ODF2L: variants seen among roughly 807,000 people sequenced by gnomAD.
The protein encoded by ODF2L is outer dense fiber of sperm tails 2 like, also known as protein BCAP.
In ODF2L, 76 loss-of-function variants were observed where a neutral mutation model predicts 86.3. The observed-to-expected ratio is 0.88, with a 90% CI of 0.73 to 1.07. The LOEUF is 1.07. Among genes scored for constraint, ODF2L ranks in the 50% least tolerant of loss-of-function variants. ODF2L has a pLI of 0.00. For missense variants in ODF2L, 748 were observed against 717.4 expected (o/e 1.04, Z -0.49); for synonymous variants, 241 against 231.3 (o/e 1.04, Z -0.38).
chr1:86,364,320 T>C (rs1659248445), intron 11 of ODF2L, among the ~76,000 whole-genome samples: 1 of 152,176 alleles, frequency 6.6e-6, no homozygotes, highest in East Asian at 1.9e-4. Context: ...CTGGGCAACC[T>C]GTATGTACAC....
chr1:86,389,169 T>G (rs564904806), intron 1 of ODF2L, among the ~76,000 whole-genome samples: 1 of 152,342 alleles, frequency 6.6e-6, no homozygotes, highest in African/African-American at 2.4e-5. Context: ...TATTCTTGTA[T>G]AGAAAAGCAG....
At chr1:86,377,221 C>T (rs977553962) in intron 7 of ODF2L, among the ~76,000 whole-genome samples, 1 of 152,178 alleles carries the variant, frequency 6.6e-6, no homozygotes, top group African/African-American at 2.4e-5. Context: ...AAATAATCTC[C>T]CTTGACTCCA....
chr1:86,382,854 T>C (rs1660682388), intron 6 of ODF2L, 77 bp downstream of exon 6: 7 of 750,328 alleles, frequency 9.3e-6, no homozygotes, highest in South Asian at 3.1e-5. Flanking sequence ...TTCTGAGGAG[T>C]TGGGGCCAGG....
intron 9 of ODF2L, 41 bp from the exon 10 acceptor site, chr1:86,371,194 A>G (rs766322344): frequency 8.6e-7 from 1 of 1,159,242 alleles, no homozygotes; most frequent in East Asian, 2.6e-5. Context: ...AGTCATAAAA[A>G]TTTTTATTCA....
intron 1 of ODF2L, among the ~76,000 whole-genome samples, chr1:86,395,416 T>A (rs1570454608): frequency 6.6e-6 from 1 of 152,080 alleles, no homozygotes; most frequent in African/African-American, 2.4e-5. Context: ...GTTACAGTTA[T>A]CAGTAAGGAA....
intron 15 of ODF2L, 32 bp downstream of exon 14, chr1:86,354,742 G>T: frequency 6.5e-7 from 1 of 1,537,146 alleles, no homozygotes; most frequent in Non-Finnish European, 9.0e-7. Context: ...AGAGAAATAT[G>T]CAGCAGCAAT....
At chr1:86,375,594 C>T (rs1198912937) in intron 8 of ODF2L, among the ~76,000 whole-genome samples, 1 of 151,982 alleles carries the variant, frequency 6.6e-6, no homozygotes, top group Non-Finnish European at 1.5e-5. Context: ...TCAAAAACAA[C>T]AAAGCACTAA....
At chr1:86,372,403 T>C (rs1335027917) in intron 9 of ODF2L, 28 bp downstream of exon 9, 4 of 1,108,494 alleles carry the variant, frequency 3.6e-6, no homozygotes, top group Non-Finnish European at 4.9e-6. Flanking sequence ...TCTTACTAAA[T>C]AATAAAATAT....
chr1:86,386,718 A>T (rs1362908994), intron 2 of ODF2L, 197 bp downstream of exon 2: 1 of 416,950 alleles, frequency 2.4e-6, no homozygotes, highest in African/African-American at 2.1e-5. Flanking sequence ...TTTCATTAAG[A>T]TTCAAAAAAA....
At chr1:86,361,902 A>C (rs77561997) in intron 11 of ODF2L, among the ~76,000 whole-genome samples, 19,051 of 152,240 alleles carry the variant, frequency 0.13, 1,632 homozygotes, top group Middle Eastern at 0.19. Flanking sequence ...TCCTCCATGA[A>C]GCTTACATAC....
At chr1:86,389,110 T>TA (rs1194381976) in intron 1 of ODF2L, among the ~76,000 whole-genome samples, 1 of 152,148 alleles carries the variant, frequency 6.6e-6, no homozygotes, top group East Asian at 1.9e-4. Flanking sequence ...TTATTTAGCA[T>TA]AAAAAGTCCT....
chr1:86,372,187 C>CAA (rs5775905), intron 9 of ODF2L, among the ~76,000 whole-genome samples: 67 of 116,312 alleles, frequency 5.8e-4, no homozygotes, highest in East Asian at 9.3e-4. Flanking sequence ...GACTCCATCT[C>CAA]AAAAAAAAAA....
chr1:86,391,012 T>G (rs1661287209), intron 1 of ODF2L, among the ~76,000 whole-genome samples: 2 of 152,196 alleles, frequency 1.3e-5, no homozygotes, highest in Non-Finnish European at 2.9e-5. Flanking sequence ...CACAAATCAG[T>G]AGCAGTGCTA....
At chr1:86,391,732 A>G (rs1661344690) in intron 1 of ODF2L, among the ~76,000 whole-genome samples, 1 of 152,228 alleles carries the variant, frequency 6.6e-6, no homozygotes, top group South Asian at 2.1e-4. Flanking sequence ...CTAAGACCTG[A>G]AACTATAAAA....
chr1:86,384,061 T>A (rs1003149356), intron 4 of ODF2L, among the ~76,000 whole-genome samples: 23 of 151,972 alleles, frequency 1.5e-4, no homozygotes, highest in African/African-American at 5.5e-4. Context: ...AATATTTCTC[T>A]GCTTATCACA....
chr1:86,384,929 A>C, intron 3 of ODF2L, 128 bp from the exon 4 acceptor site: 6 of 584,314 alleles, frequency 1.0e-5, no homozygotes, highest in Non-Finnish European at 1.3e-5. Flanking sequence ...GTAATAATAA[A>C]TGCTACGAAA....
chr1:86,378,260 C>G (rs998483614), intron 7 of ODF2L, among the ~76,000 whole-genome samples: 2 of 152,194 alleles, frequency 1.3e-5, no homozygotes, highest in African/African-American at 4.8e-5. Flanking sequence ...AGTTCCTCAT[C>G]TCTATCTGAG....
chr1:86,394,134 TATAA>T (rs2101613227), intron 1 of ODF2L, among the ~76,000 whole-genome samples: 1 of 152,332 alleles, frequency 6.6e-6, no homozygotes, highest in East Asian at 1.9e-4. Flanking sequence ...ATTAAAAAGC[TATAA>T]ATAAGTAAAT....
downstream of ODF2L, chr1:86,347,107 T>C (rs1657845416): frequency 6.6e-6 from 1 of 152,238 alleles, no homozygotes. Flanking sequence ...AACGGCTCTG[T>C]ACACAGAACT....
Sources: allele counts gnomAD v4.1 joint callset (sites outside exome capture counted in the v4.1 genomes callset), GRCh38; gene constraint gnomAD v4.1.1; transcripts MANE v1.5; gene names NCBI Gene and HGNC (gene_info 2026-07-23, HGNC 2026-07-21).